Variants in LINGO2 observed in about 807,000 individuals in gnomAD.
LINGO2 encodes leucine rich repeat and Ig domain containing 2, also known as leucine-rich repeat and immunoglobulin-like domain-containing nogo receptor-interacting protein 2.
A neutral mutation model predicts 30.6 loss-of-function variants in LINGO2; 14 were observed. The observed-to-expected ratio is 0.46, with a 90% CI of 0.30 to 0.72. The LOEUF (loss-of-function observed/expected upper bound fraction) is 0.72, where lower values mean the gene tolerates loss of function less well. Ranked by LOEUF, LINGO2 falls within the 30% of genes least tolerant of loss-of-function variation. The pLI, the probability that LINGO2 is intolerant of heterozygous loss-of-function variation, is 0.07. For missense variants in LINGO2, 729 were observed against 751.7 expected, an observed-to-expected ratio of 0.97 and a Z score of 0.35; for synonymous variants, 317 against 288.5, an observed-to-expected ratio of 1.10 and a Z score of -1.00.
chr9:27,977,938 G>A (rs903704391), intron 5 of LINGO2, among the ~76,000 whole-genome samples: 1 of 152,046 alleles, frequency 6.6e-6, no homozygotes, highest in Non-Finnish European at 1.5e-5. Context: ...GTTTGTCCCA[G>A]ATTCTGGCTC....
At chr9:28,928,910 G>A in the LINGO2 span, among the ~76,000 whole-genome samples, 5 of 152,106 alleles carry the variant, frequency 3.3e-5, no homozygotes, top group African/African-American at 1.2e-4. Flanking sequence ...GCAGCTTGTG[G>A]TGGTACCAAG....
chr9:28,337,579 T>A (rs559213696), intron 3 of LINGO2, among the ~76,000 whole-genome samples: 11 of 152,228 alleles, frequency 7.2e-5, no homozygotes, highest in African/African-American at 2.2e-4. Context: ...TGAAGGCCTA[T>A]GAAGAATAAA....
chr9:28,298,523 A>G (rs970492521), intron 3 of LINGO2, among the ~76,000 whole-genome samples: 3 of 150,168 alleles, frequency 2.0e-5, no homozygotes, highest in Non-Finnish European at 4.4e-5. Context: ...AAGAAAGAAA[A>G]AAATACAAAA....
chr9:28,755,205 C>T, the LINGO2 span, among the ~76,000 whole-genome samples: 5 of 152,180 alleles, frequency 3.3e-5, no homozygotes, highest in East Asian at 7.7e-4. Context: ...ATGCCATACT[C>T]GTGTTTAAAT....
chr9:27,976,192 G>A (rs572515756), intron 5 of LINGO2, among the ~76,000 whole-genome samples: 1 of 152,130 alleles, frequency 6.6e-6, no homozygotes, highest in Non-Finnish European at 1.5e-5. Context: ...AGCAGTGTCT[G>A]CCACTTACTA....
the LINGO2 span, among the ~76,000 whole-genome samples, chr9:28,941,039 A>G: frequency 2.0e-5 from 3 of 151,834 alleles, no homozygotes; most frequent in East Asian, 5.8e-4. Flanking sequence ...AGAGAAAGGG[A>G]AGAAGGGAGG....
chr9:28,989,348 A>G, the LINGO2 span, among the ~76,000 whole-genome samples: 1 of 152,380 alleles, frequency 6.6e-6, no homozygotes, highest in African/African-American at 2.4e-5. Context: ...CTCTGTGAAC[A>G]TAGAAGACTT....
At chr9:29,029,509 A>T in the LINGO2 span, among the ~76,000 whole-genome samples, 183 of 152,262 alleles carry the variant, frequency 1.2e-3, 1 homozygote, top group African/African-American at 4.3e-3. Context: ...TATAAAATTC[A>T]CTATGTAATC....
intron 3 of LINGO2, among the ~76,000 whole-genome samples, chr9:28,347,274 G>A (rs1232623467): frequency 6.6e-6 from 1 of 152,132 alleles, no homozygotes; most frequent in Non-Finnish European, 1.5e-5. Flanking sequence ...AATATTCCTA[G>A]TTCCTATGAT....
chr9:28,047,198 T>G (rs1414515511), intron 4 of LINGO2, among the ~76,000 whole-genome samples: 2 of 152,114 alleles, frequency 1.3e-5, no homozygotes, highest in South Asian at 4.1e-4. Context: ...TCGGCCACTT[T>G]GTATGTAAGT....
intron 2 of LINGO2, among the ~76,000 whole-genome samples, chr9:28,443,740 G>T (rs539195999): frequency 3.3e-5 from 5 of 152,212 alleles, no homozygotes; most frequent in Non-Finnish European, 5.9e-5. Context: ...GGGTGACTCA[G>T]TGTGGGCCTG....
intron 3 of LINGO2, among the ~76,000 whole-genome samples, chr9:28,306,282 G>A (rs1268713478): frequency 6.6e-6 from 1 of 152,046 alleles, no homozygotes; most frequent in Non-Finnish European, 1.5e-5. Flanking sequence ...AATGAAGAAG[G>A]TGAAAAGGAA....
intron 1 of LINGO2, among the ~76,000 whole-genome samples, chr9:28,524,894 C>G (rs1471466018): frequency 6.6e-6 from 1 of 151,944 alleles, no homozygotes; most frequent in Admixed American, 6.6e-5. Context: ...AGGTACTTCT[C>G]CAAAAATGAT....
chr9:28,010,693 C>T (rs1475643185), intron 5 of LINGO2, among the ~76,000 whole-genome samples: 1 of 152,206 alleles, frequency 6.6e-6, no homozygotes, highest in African/African-American at 2.4e-5. Context: ...TGGCTTACGC[C>T]TATAATCTCA....
At chr9:28,083,074 C>G (rs1825816975) in intron 4 of LINGO2, among the ~76,000 whole-genome samples, 2 of 152,172 alleles carry the variant, frequency 1.3e-5, no homozygotes, top group Admixed American at 1.3e-4. Context: ...AAATTGACGG[C>G]ACTTCTCAGA....
At chr9:28,226,775 A>T (rs1821185603) in intron 4 of LINGO2, among the ~76,000 whole-genome samples, 1 of 152,136 alleles carries the variant, frequency 6.6e-6, no homozygotes, top group African/African-American at 2.4e-5. Context: ...CATCCCTTGG[A>T]TGCATTTGTC....
chr9:28,242,868 A>C (rs1821850105), intron 4 of LINGO2, among the ~76,000 whole-genome samples: 1 of 152,224 alleles, frequency 6.6e-6, no homozygotes, highest in Admixed American at 6.5e-5. Flanking sequence ...ATATCCAGCC[A>C]AACTAAGCTT....
intron 2 of LINGO2, among the ~76,000 whole-genome samples, chr9:28,430,532 T>C (rs1172619253): frequency 1.3e-5 from 2 of 152,176 alleles, no homozygotes; most frequent in Non-Finnish European, 2.9e-5. Flanking sequence ...GAAAATCTCC[T>C]TAACTTTTAA....
chr9:28,989,632 T>C, the LINGO2 span, among the ~76,000 whole-genome samples: 2 of 152,196 alleles, frequency 1.3e-5, no homozygotes, highest in African/African-American at 2.4e-5. Context: ...ATTGTTATTA[T>C]ATAGATCATA....
Sources: gnomAD v4.1 joint callset for allele counts (sites outside exome capture counted in the v4.1 genomes callset) on GRCh38, gnomAD v4.1.1 for gene constraint, MANE v1.5 for transcripts, NCBI Gene and HGNC (gene_info 2026-07-23, HGNC 2026-07-21) for gene names.